The following VAT1L variants were observed in gnomAD, a reference collection of about 807,000 sequenced individuals.
VAT1L encodes the protein vesicle amine transport 1 like.
VAT1L carries 34 observed loss-of-function variants against 44.1 expected under a neutral mutation model. That is an observed-to-expected ratio of 0.77 (90% CI 0.59 to 1.03). The LOEUF is 1.03. VAT1L is among the 50% of genes least tolerant of loss of function. The pLI is 0.00. For missense variants in VAT1L, 615 were observed against 538.8 expected (o/e 1.14, Z -1.40); for synonymous variants, 253 against 202.2 (o/e 1.25, Z -2.13).
chr16:77,820,731 T>C lies in VAT1L; in HGVS notation c.363+3681T>C, dbSNP rs1366322570. 2.0e-5 allele frequency among the ~76,000 whole-genome samples: 3 copies of C among 152,348 alleles called. No homozygotes were observed. The South Asian group carries it at 6.2e-4, about 32-fold the overall frequency. On this transcript the variant is annotated intron_variant, in intron 2 of 8. Coordinates refer to ENST00000302536, the MANE Select transcript of VAT1L (RefSeq NM_020927.3). The stretch of plus-strand genomic sequence containing the variant: ...CCAATCTATATAAAGGGCACAGTCA[T>C]AGTTCATTATTAGTCATGAACTTCA...
chr16:77,939,162 G>C (rs1019272188), intron 7 of VAT1L, among the ~76,000 whole-genome samples: 1 of 152,148 alleles, frequency 6.6e-6, no homozygotes, highest in Admixed American at 6.6e-5. Context: ...AATTCGTGAC[G>C]ACCTCTCCAG....
intron 7 of VAT1L, among the ~76,000 whole-genome samples, chr16:77,926,690 G>A (rs2017673132): frequency 1.3e-5 from 2 of 152,150 alleles, no homozygotes; most frequent in Non-Finnish European, 2.9e-5. Context: ...AACTAAGGTT[G>A]ACTTCACAGT....
chr16:77,976,628 T>C (rs2018343588), intron 8 of VAT1L, among the ~76,000 whole-genome samples: 1 of 152,156 alleles, frequency 6.6e-6, no homozygotes, highest in Admixed American at 6.5e-5. Context: ...GCACAGATCA[T>C]GTAGGGGATG....
chr16:77,977,346 T>C (rs932509715), intron 8 of VAT1L, among the ~76,000 whole-genome samples: 2 of 152,182 alleles, frequency 1.3e-5, no homozygotes, highest in Non-Finnish European at 2.9e-5. Flanking sequence ...TTTGGTCTCA[T>C]TTCTTCACTC....
chr16:77,965,382 G>A lies in VAT1L; in HGVS notation c.1078-6468G>A, dbSNP rs529156838. ...CCCTGGAATGTTCCCACTGCCTCCT[G>A]CCACCATGCACTTGGGATGCTGTCA... On this transcript the variant is annotated intron_variant, in intron 7 of 8. Transcript: ENST00000302536. Among the ~76,000 whole-genome samples, 8 of 152,302 alleles carry A rather than the reference G, an allele frequency of 5.3e-5. No individual in the cohort carries two copies. In the South Asian group the frequency reaches 1.7e-3, roughly 32 times the overall value.
intron 1 of VAT1L, among the ~76,000 whole-genome samples, chr16:77,804,259 C>T (rs2016115880): frequency 6.6e-6 from 1 of 152,126 alleles, no homozygotes. Flanking sequence ...TTACAGGAAC[C>T]TTAGGAATAA....
chr16:77,936,128 T>A (rs966603162), intron 7 of VAT1L, among the ~76,000 whole-genome samples: 1 of 152,150 alleles, frequency 6.6e-6, no homozygotes, highest in Admixed American at 6.5e-5. Context: ...TTCTTATAAC[T>A]TCCCAGGACT....
At position 77,879,291 on chromosome 16, in the gene VAT1L, T is replaced by C. The variant is rs2017123404; in HGVS notation, c.882+67T>C. Reference sequence around the variant, plus strand: ...GATTCACATGTTGAGAGCTTTGTTTTTGTTTGTTTGTTTGTTTTGAGACAG... The same window carrying C: ...GATTCACATGTTGAGAGCTTTGTTTCTGTTTGTTTGTTTGTTTTGAGACAG... On this transcript the variant is annotated intron_variant, in intron 6 of 8. Coordinates refer to ENST00000302536, the MANE Select transcript of VAT1L (RefSeq NM_020927.3). This position sits in a 1 kb window ranked among gnomAD's most constrained non-coding sequence, Gnocchi z 4.1. 2 of 1,454,392 alleles carry C rather than the reference T, an allele frequency of 1.4e-6. No homozygotes were observed. The highest frequency in any genetic ancestry group is 1.9e-6 in the Non-Finnish European group (2 of 1,044,234). 90.1% of individuals were successfully genotyped at this position (1,454,392 alleles called of 1,614,324 possible).
intron 3 of VAT1L, among the ~76,000 whole-genome samples, chr16:77,843,652 C>G (rs554049640): frequency 2.0e-4 from 30 of 152,288 alleles, no homozygotes; most frequent in African/African-American, 7.2e-4. Flanking sequence ...AGAGCCCATC[C>G]CCACGATGAG....
chr16:77,879,116 G>C lies in VAT1L; in HGVS notation c.827-53G>C. ...TTGCCATTTTTTTCATGCATAACAA[G>C]AGATGTCCATTTTCATTAGCAATTG... On this transcript the variant is annotated intron_variant, in intron 5 of 8. Coordinates refer to ENST00000302536, the MANE Select transcript of VAT1L (RefSeq NM_020927.3). This position sits in a 1 kb window ranked among gnomAD's most constrained non-coding sequence, Gnocchi z 4.1. 6.3e-7 allele frequency: 1 copy of C among 1,580,196 alleles called. No individual in the cohort carries two copies. Among genetic ancestry groups the C allele is most frequent in the Non-Finnish European group, 8.7e-7 (1 of 1,149,746 alleles).
chr16:77,806,868 G>T (rs1201165809), intron 1 of VAT1L, among the ~76,000 whole-genome samples: 1 of 152,038 alleles, frequency 6.6e-6, no homozygotes, highest in Non-Finnish European at 1.5e-5. Context: ...ATCAAGACAT[G>T]GCCACTCTGT....
At chr16:77,894,422 G>C (rs1432999368) in intron 7 of VAT1L, among the ~76,000 whole-genome samples, 1 of 152,204 alleles carries the variant, frequency 6.6e-6, no homozygotes, top group Non-Finnish European at 1.5e-5. Context: ...GGTGCAGGGA[G>C]GACAGGCCAA....
intron 7 of VAT1L, among the ~76,000 whole-genome samples, chr16:77,918,943 A>AG (rs2017581231): frequency 6.6e-6 from 1 of 152,216 alleles, no homozygotes; most frequent in Non-Finnish European, 1.5e-5. Context: ...TAAGTTGCTC[A>AG]GGAAGCAGGC....
chr16:77,871,052 G>A (rs1171510530), intron 4 of VAT1L, among the ~76,000 whole-genome samples: 1 of 152,152 alleles, frequency 6.6e-6, no homozygotes, highest in African/African-American at 2.4e-5. Flanking sequence ...ACTCAACAGA[G>A]GTGGAGCACT....
At chr16:77,807,532 G>A (rs141991328) in intron 1 of VAT1L, among the ~76,000 whole-genome samples, 122 of 152,066 alleles carry the variant, frequency 8.0e-4, no homozygotes, top group African/African-American at 2.7e-3. Flanking sequence ...ACTTCTCCCC[G>A]TCCCCAGTCC....
intron 1 of VAT1L, among the ~76,000 whole-genome samples, chr16:77,814,673 A>G (rs891601625): frequency 2.0e-5 from 3 of 152,354 alleles, no homozygotes; most frequent in East Asian, 1.9e-4. Flanking sequence ...GAGCTAAAAT[A>G]TACATGAAAT....
At chr16:77,799,354 T>C (rs2015999238) in intron 1 of VAT1L, among the ~76,000 whole-genome samples, 1 of 151,278 alleles carries the variant, frequency 6.6e-6, no homozygotes, top group African/African-American at 2.4e-5. Context: ...CTCCATCTCT[T>C]TTCCTCTCCA....
intron 3 of VAT1L, among the ~76,000 whole-genome samples, chr16:77,836,295 T>A (rs1356166221): frequency 6.6e-6 from 1 of 152,062 alleles, no homozygotes; most frequent in Non-Finnish European, 1.5e-5. Flanking sequence ...TTTCTGCCTG[T>A]CCCACCGTGA....
chr16:77,923,653 C>T (rs902203452), intron 7 of VAT1L, among the ~76,000 whole-genome samples: 35 of 152,168 alleles, frequency 2.3e-4, no homozygotes, highest in African/African-American at 8.2e-4. Context: ...CTCCTCCGGG[C>T]CTCAGTTTCC....
Sources: allele counts gnomAD v4.1 joint callset (sites outside exome capture counted in the v4.1 genomes callset), GRCh38; gene constraint gnomAD v4.1.1; non-coding constraint Gnocchi (gnomAD v3.1); transcripts MANE v1.5; gene names NCBI Gene and HGNC (gene_info 2026-07-23, HGNC 2026-07-21).